Variants in FER1L6 observed in about 807,000 individuals in gnomAD.
FER1L6 encodes the protein fer-1-like protein 6.
FER1L6 carries 177 observed loss-of-function variants against 219.2 expected under a neutral mutation model. That is an observed-to-expected ratio of 0.81 (90% CI 0.71 to 0.91). The LOEUF (loss-of-function observed/expected upper bound fraction) is 0.91. Among genes scored for constraint, FER1L6 ranks in the 40% least tolerant of loss-of-function variants. The pLI is 0.00. For missense variants in FER1L6, 2,153 were observed against 2,259.9 expected (o/e 0.95, Z 0.96); for synonymous variants, 768 against 824.3 (o/e 0.93, Z 1.17).
intron 12 of FER1L6, among the ~76,000 whole-genome samples, chr8:123,990,499 A>G (rs755912219): frequency 6.6e-6 from 1 of 151,790 alleles, no homozygotes; most frequent in African/African-American, 2.4e-5. Context: ...TTTTTTTCAT[A>G]TGTTTATTGG....
At chr8:123,892,273 A>G (rs11990270) in intron 1 of FER1L6, among the ~76,000 whole-genome samples, 4,218 of 152,196 alleles carry the variant, frequency 0.028, 198 homozygotes, top group African/African-American at 0.096. Context: ...ATGGGAAAAA[A>G]GAGGATGGAG....
At chr8:124,077,757 T>C (rs1314707325) in intron 32 of FER1L6, among the ~76,000 whole-genome samples, 1 of 152,196 alleles carries the variant, frequency 6.6e-6, no homozygotes, top group Non-Finnish European at 1.5e-5. Context: ...GCCTCTGACA[T>C]TGCAGCACCT....
intron 2 of FER1L6, among the ~76,000 whole-genome samples, chr8:123,962,323 C>T (rs947704790): frequency 3.9e-5 from 6 of 152,044 alleles, no homozygotes; most frequent in African/African-American, 1.4e-4. Context: ...AGCAGTAAAT[C>T]GTTTATTGCT....
rs994690186 is a variant in FER1L6 at position 123,974,659 on chromosome 8, C to CAAAAA, written c.527-472_527-468dup. 7.7e-3 allele frequency among the ~76,000 whole-genome samples: 361 copies of CAAAAA among 46,964 alleles called. 6 individuals carry two copies. Among genetic ancestry groups the CAAAAA allele is most frequent in the Non-Finnish European group, 8.4e-3 (183 of 21,838 alleles). The allele number at this position is 46,964 out of a possible 152,430, so 30.8% of individuals were successfully genotyped here. ...CAGGCATCACAGCGAGACTCTGTCT[C>CAAAAA]AAAAAAAAAAAAAAAAAAAAAAAGA... On this transcript the variant is annotated intron_variant, in intron 7 of 40. Transcript: ENST00000522917.
chr8:124,014,158 C>T (rs1048285195), intron 15 of FER1L6: 1 of 152,390 alleles, frequency 6.6e-6, no homozygotes, highest in Non-Finnish European at 1.5e-5. Context: ...TTACCCAGTG[C>T]AGTACAGAAG....
rs528304350 is a variant in FER1L6 at position 123,919,023 on chromosome 8, G to A, written c.-7-36969G>A. Among the ~76,000 whole-genome samples the A allele has an allele frequency of 2.3e-4, 35 of 152,286 alleles. 1 individual carries two copies. The South Asian group carries it at 7.1e-3, about 31-fold the overall frequency. On this transcript the variant is annotated intron_variant, in intron 1 of 40. Coordinates refer to ENST00000522917, the MANE Select transcript of FER1L6 (RefSeq NM_001039112.2). ...GGCTCCAGTGGGATCCTGCCCCAGG[G>A]GAGGCAGTACAATAACTCTGGGTGG...
At chr8:123,910,104 G>A (rs1813026110) in intron 1 of FER1L6, among the ~76,000 whole-genome samples, 1 of 152,180 alleles carries the variant, frequency 6.6e-6, no homozygotes, top group Non-Finnish European at 1.5e-5. Context: ...CCCATCCACT[G>A]TCCTAGCTGA....
chr8:124,011,399 A>C (rs896076455), intron 14 of FER1L6, among the ~76,000 whole-genome samples: 1 of 152,148 alleles, frequency 6.6e-6, no homozygotes, highest in Non-Finnish European at 1.5e-5. Context: ...TTTGTCACTC[A>C]GGCTGGAATG....
At chr8:123,917,271 G>C (rs1813216996) in intron 1 of FER1L6, among the ~76,000 whole-genome samples, 1 of 152,162 alleles carries the variant, frequency 6.6e-6, no homozygotes, top group Admixed American at 6.5e-5. Flanking sequence ...GATTCAATTT[G>C]GGGAACTTAC....
chr8:123,924,719 A>G (rs561584928), intron 1 of FER1L6: 57 of 152,266 alleles, frequency 3.7e-4, no homozygotes, highest in African/African-American at 1.3e-3. Flanking sequence ...CTAGTTACAT[A>G]CTATTCCTGG....
In FER1L6 at chr8:123,933,261, G is replaced by C. The variant is rs113014498; in HGVS notation, c.-7-22731G>C. On this transcript the variant is annotated intron_variant, in intron 1 of 40. Transcript: ENST00000522917. ...ACCAGAGCAGAAAGTAACATGTCCTGTTGCCCAGACCCTCCTCATCCTTCA... is the reference window on the plus strand; with the variant it reads ...ACCAGAGCAGAAAGTAACATGTCCTCTTGCCCAGACCCTCCTCATCCTTCA... Among the ~76,000 whole-genome samples, 1,328 of 152,242 alleles carry C rather than the reference G, an allele frequency of 8.7e-3. 25 individuals carry two copies. Among genetic ancestry groups the C allele is most frequent in the African/African-American group, 0.031 (1,276 of 41,538 alleles).
chr8:123,977,701 C>T (rs914179353), intron 10 of FER1L6, 92 bp downstream of exon 10: 3 of 1,180,214 alleles, frequency 2.5e-6, no homozygotes, highest in African/African-American at 3.1e-5. Context: ...GCAGCAGTCC[C>T]CAGCCTTTCT....
chr8:124,085,554 T>C (rs1193918974), intron 33 of FER1L6, among the ~76,000 whole-genome samples: 1 of 150,960 alleles, frequency 6.6e-6, no homozygotes, highest in East Asian at 1.9e-4. Context: ...GTTATCGATT[T>C]TGAGTTTTAT....
At position 124,062,012 on chromosome 8, in the gene FER1L6, A is replaced by G. The variant is rs1370554415; in HGVS notation, c.3308A>G (p.Asp1103Gly). 1 of 1,614,030 alleles carries G rather than the reference A, an allele frequency of 6.2e-7. No homozygotes were observed. The highest frequency in any genetic ancestry group is 8.5e-7 in the Non-Finnish European group (1 of 1,179,992). ...REPLAPITQVDGTQPGHDISD... is the reference protein window; with the variant it reads ...REPLAPITQVGGTQPGHDISD... ...CCCCTTGCCCCCATCACACAGGTGG[A>G]TGGAACCCAGCCTGGGCACGGTGAG... Residue 1103 changes from aspartate (D) to glycine (G), a missense_variant, in exon 25 of 41, where the codon GAT (aspartate) becomes GGT (glycine). Asp to Gly is a moderately conservative substitution (Grantham distance 94). Coordinates refer to ENST00000522917, the MANE Select transcript of FER1L6 (RefSeq NM_001039112.2).
At chr8:123,965,314 C>A (rs927034008) in intron 3 of FER1L6, among the ~76,000 whole-genome samples, 1 of 152,114 alleles carries the variant, frequency 6.6e-6, no homozygotes, top group Non-Finnish European at 1.5e-5. Flanking sequence ...TTGTTAGTAA[C>A]CAAGGGGATA....
chr8:124,054,273 A>C (rs919134035), intron 22 of FER1L6, among the ~76,000 whole-genome samples: 6 of 152,194 alleles, frequency 3.9e-5, no homozygotes, highest in African/African-American at 1.2e-4. Flanking sequence ...TCTTACCACC[A>C]GGAACATTCT....
chr8:124,025,036 C>T (rs945891442), intron 18 of FER1L6, among the ~76,000 whole-genome samples: 12 of 150,842 alleles, frequency 8.0e-5, no homozygotes, highest in African/African-American at 2.5e-4. Flanking sequence ...GTCTTTTATG[C>T]AGTTTTTAAT....
chr8:124,071,011 C>T (rs1332961090), intron 30 of FER1L6, among the ~76,000 whole-genome samples: 1 of 152,216 alleles, frequency 6.6e-6, no homozygotes, highest in Non-Finnish European at 1.5e-5. Context: ...AAACATACTA[C>T]AAGCTGGGCC....
At chr8:124,043,656 G>A (rs1819600046) in intron 20 of FER1L6, among the ~76,000 whole-genome samples, 1 of 152,002 alleles carries the variant, frequency 6.6e-6, no homozygotes, top group African/African-American at 2.4e-5. Flanking sequence ...GATTTCGACT[G>A]AGGCAGTGCA....
Sources: gnomAD v4.1 joint callset for allele counts (sites outside exome capture counted in the v4.1 genomes callset) on GRCh38, gnomAD v4.1.1 for gene constraint, MANE v1.5 for transcripts, NCBI Gene and HGNC (gene_info 2026-07-23, HGNC 2026-07-21) for gene names.